The following LRP2 variants were observed in gnomAD, a reference collection of about 807,000 sequenced individuals.
LRP2 encodes low-density lipoprotein receptor-related protein 2.
In LRP2, 172 loss-of-function variants were observed where a neutral mutation model predicts 531.0. The ratio of observed to expected loss-of-function variants is 0.32; its 90% CI spans 0.29 to 0.37. The LOEUF is 0.37. Ranked by LOEUF, LRP2 falls within the 10% of genes least tolerant of loss-of-function variation. The pLI is 1.00. For missense variants in LRP2, 5,167 were observed against 5,868.3 expected, an observed-to-expected ratio of 0.88 and a Z score of 3.90; for synonymous variants, 1,992 against 2,027.6, an observed-to-expected ratio of 0.98 and a Z score of 0.47.
intron 4 of LRP2, among the ~76,000 whole-genome samples, chr2:169,304,008 T>G (rs1325952234): frequency 2.6e-5 from 4 of 152,240 alleles, no homozygotes; most frequent in Non-Finnish European, 5.9e-5. Context: ...CAGCAGCTAC[T>G]TACATATTCG....
intron 31 of LRP2, among the ~76,000 whole-genome samples, chr2:169,226,919 C>A (rs1475666255): frequency 6.6e-6 from 1 of 151,848 alleles, no homozygotes; most frequent in African/African-American, 2.4e-5. Flanking sequence ...TCTTCCACTT[C>A]TACACACAGA....
Position 169,234,693 on chromosome 2 carries a change from T to C in LRP2, c.4921-1105A>G, listed in dbSNP as rs1689538365. Among the ~76,000 whole-genome samples, 7 of 152,288 alleles carry C rather than the reference T, an allele frequency of 4.6e-5. No homozygotes were observed. In the South Asian group the frequency reaches 1.4e-3, roughly 32 times the overall value. ...TTTCTGGTTCTAGATCCCTGAGGAA[T>C]TGCCACACTATCTTCCACAATGGTT... On this transcript the variant is annotated intron_variant, in intron 29 of 78. Transcript: ENST00000649046.
intron 70 of LRP2, among the ~76,000 whole-genome samples, chr2:169,144,009 A>T (rs1226779202): frequency 6.6e-6 from 1 of 152,164 alleles, no homozygotes; most frequent in African/African-American, 2.4e-5. Context: ...TGAATGTGCT[A>T]TCCATCACCT....
Position 169,144,911 on chromosome 2 carries a change from A to G in LRP2, c.12988+836T>C, listed in dbSNP as rs538338593. ...GGCATACTGAACACTGGGCCAATAC[A>G]GCAAGATGCTGAGTTTTGGGTTGGA... On this transcript the variant is annotated intron_variant, in intron 70 of 78. Transcript: ENST00000649046. Among the ~76,000 whole-genome samples, 242 of 152,348 alleles carry G rather than the reference A, an allele frequency of 1.6e-3. 2 individuals are homozygous for G. The highest frequency in any genetic ancestry group is 2.9e-3 in the Non-Finnish European group (194 of 68,024).
chr2:169,181,679 C>T, intron 51 of LRP2, 61 bp from the exon 52 acceptor site: 5 of 1,449,550 alleles, frequency 3.4e-6, no homozygotes, highest in Non-Finnish European at 4.8e-6. Context: ...AGCCAAAATA[C>T]ACACCTTTTC....
At chr2:169,160,610 G>A (rs13034796) in intron 63 of LRP2, among the ~76,000 whole-genome samples, 83,174 of 148,154 alleles carry the variant, frequency 0.56, 23,693 homozygotes, top group Admixed American at 0.65. Flanking sequence ...TGAATTCCAT[G>A]TCACATATTC....
intron 63 of LRP2, among the ~76,000 whole-genome samples, chr2:169,160,565 C>A (rs1020160549): frequency 6.6e-6 from 1 of 151,774 alleles, no homozygotes; most frequent in African/African-American, 2.4e-5. Flanking sequence ...AAAAAGAATT[C>A]TATGCCTCAA....
At chr2:169,255,992 A>G (rs1574184856) in intron 19 of LRP2, 114 bp downstream of exon 19, 1 of 1,140,230 alleles carries the variant, frequency 8.8e-7, no homozygotes, top group East Asian at 2.6e-5. Context: ...AAATTTTTTC[A>G]TTTTAAAGTG....
chr2:169,206,033 G>T lies in LRP2; in HGVS notation c.7546C>A (p.Pro2516Thr), dbSNP rs1688371702. The T allele has an allele frequency of 6.2e-7, 1 of 1,614,076 alleles. No homozygotes were observed. The highest frequency in any genetic ancestry group is 8.5e-7 in the Non-Finnish European group (1 of 1,180,044). ...VPKPRAIVLD[P>T]CQGYLYWADW... ...AAGATGATGGCATACCCTTGGCAGG[G>T]ATCTAACACAATTGCTCTTGGTTTT... is the stretch of plus-strand genomic sequence containing the variant. Residue 2516 changes from proline to threonine, a missense_variant, in exon 40 of 79, where the codon CCC (proline) becomes ACC (threonine). By Grantham distance (38) the Pro-to-Thr change is conservative. Around this residue, in one of 6 missense-constraint regions of LRP2, gnomAD observed 1,129 missense variants for 1,362.7 expected, o/e 0.83. Transcript: ENST00000649046.
At chr2:169,171,302 AG>A in intron 58 of LRP2, among the ~76,000 whole-genome samples, 1 of 152,132 alleles carries the variant, frequency 6.6e-6, no homozygotes, top group Non-Finnish European at 1.5e-5. Flanking sequence ...TTAGTCAATT[AG>A]AAATTGACGC....
At chr2:169,269,462 C>G (rs546319821) in intron 16 of LRP2, among the ~76,000 whole-genome samples, 1 of 152,214 alleles carries the variant, frequency 6.6e-6, no homozygotes, top group Admixed American at 6.5e-5. Context: ...CATCTACAAC[C>G]ATCTGATCTT....
chr2:169,285,669 C>T (rs559362356), intron 9 of LRP2, among the ~76,000 whole-genome samples: 3 of 152,230 alleles, frequency 2.0e-5, no homozygotes, highest in African/African-American at 7.2e-5. Context: ...CCCCACCATG[C>T]TGAATGACCT....
Position 169,155,473 on chromosome 2 carries a change from G to A in LRP2, c.12151+801C>T, listed in dbSNP as rs527734776. ...TGCTAGTCAAATGTATGCTTTAAAA[G>A]CTCAATTTGTATGAAGAAATTGAAC... On this transcript the variant is annotated intron_variant, in intron 65 of 78. Coordinates refer to ENST00000649046, the MANE Select transcript of LRP2 (RefSeq NM_004525.3). 3.9e-5 allele frequency among the ~76,000 whole-genome samples: 6 copies of A among 152,224 alleles called. No individual in the cohort carries two copies. In the South Asian group the frequency reaches 1.2e-3, roughly 32 times the overall value.
At chr2:169,169,631 C>A (rs549556050) in intron 60 of LRP2, 71 bp downstream of exon 60, 117 of 1,153,744 alleles carry the variant, frequency 1.0e-4, no homozygotes, top group Middle Eastern at 1.9e-4. Flanking sequence ...GAAGCGGCAG[C>A]GGACTGATGT....
intron 46 of LRP2, among the ~76,000 whole-genome samples, chr2:169,195,176 G>T (rs1687964781): frequency 6.6e-6 from 1 of 152,158 alleles, no homozygotes; most frequent in Non-Finnish European, 1.5e-5. Flanking sequence ...CTAGGAAAAG[G>T]ATAAAAATAC....
At chr2:169,145,616 A>T in intron 70 of LRP2, 131 bp downstream of exon 70, 1 of 869,604 alleles carries the variant, frequency 1.1e-6, no homozygotes, top group South Asian at 1.4e-5. Context: ...ACGTACATAC[A>T]CATATACCCC....
intron 1 of LRP2, among the ~76,000 whole-genome samples, chr2:169,336,773 C>A (rs986480901): frequency 1.3e-5 from 2 of 152,162 alleles, no homozygotes; most frequent in African/African-American, 4.8e-5. Flanking sequence ...TGTCAGGAAA[C>A]AAGCCCTCTT....
Position 169,156,205 on chromosome 2 carries a change from A to C in LRP2, c.12151+69T>G, listed in dbSNP as rs2105361296. ...ACTATGAGAAGCTGAAGTTTCTTTC[A>C]TCGTATAGTGTACTTAGCAGTATTT... On this transcript the variant is annotated intron_variant, in intron 65 of 78. Transcript: ENST00000649046. 1.9e-6 allele frequency: 3 copies of C among 1,598,780 alleles called. No individual in the cohort carries two copies. The South Asian group carries it at 3.3e-5, about 18-fold the overall frequency.
At chr2:169,199,330 T>C (rs948315280) in intron 44 of LRP2, among the ~76,000 whole-genome samples, 4 of 152,310 alleles carry the variant, frequency 2.6e-5, no homozygotes, top group Admixed American at 2.6e-4. Context: ...GAAAGCAAGA[T>C]TCAAAACAGT....
Sources: allele counts gnomAD v4.1 joint callset (sites outside exome capture counted in the v4.1 genomes callset), GRCh38; gene constraint gnomAD v4.1.1; regional missense constraint gnomAD v4.1.1; transcripts MANE v1.5; gene names NCBI Gene and HGNC (gene_info 2026-07-23, HGNC 2026-07-21).